The following PLD5 variants were observed in gnomAD, a reference collection of about 807,000 sequenced individuals.
PLD5 encodes phospholipase D family member 5.
A neutral mutation model predicts 61.1 loss-of-function variants in PLD5; 36 were observed. The ratio of observed to expected loss-of-function variants is 0.59; its 90% CI spans 0.45 to 0.78. The LOEUF is 0.78. Among genes scored for constraint, PLD5 ranks in the 30% least tolerant of loss-of-function variants. PLD5 has a pLI of 0.00. For missense variants in PLD5, 515 were observed against 644.4 expected (o/e 0.80, Z 2.17); for synonymous variants, 243 against 242.8 (o/e 1.00, Z -0.01).
chr1:242,369,869 A>G (rs1571994458), intron 1 of PLD5, among the ~76,000 whole-genome samples: 3 of 152,174 alleles, frequency 2.0e-5, no homozygotes, highest in East Asian at 1.9e-4. Context: ...AGTTCTTCCA[A>G]TTACTAAGCA....
intron 4 of PLD5, among the ~76,000 whole-genome samples, chr1:242,236,370 C>G (rs1671641845): frequency 6.6e-6 from 1 of 152,140 alleles, no homozygotes; most frequent in African/African-American, 2.4e-5. Flanking sequence ...AAACTATGAC[C>G]TATCCTGAAA....
At chr1:242,197,633 CTTTTTTT>C (rs111450387) in intron 5 of PLD5, among the ~76,000 whole-genome samples, 1 of 105,430 alleles carries the variant, frequency 9.5e-6, no homozygotes, top group African/African-American at 3.5e-5. Flanking sequence ...TAATTGCACA[CTTTTTTT>C]TTTTTTTTTT....
intron 1 of PLD5, among the ~76,000 whole-genome samples, chr1:242,446,830 G>A (rs139215002): frequency 0.02 from 2,996 of 152,276 alleles, 152 homozygotes; most frequent in Admixed American, 0.13. Context: ...CTTGTTGTCA[G>A]GCACCCATCT....
At chr1:242,457,936 A>G (rs917938015) in intron 1 of PLD5, among the ~76,000 whole-genome samples, 1 of 152,212 alleles carries the variant, frequency 6.6e-6, no homozygotes, top group African/African-American at 2.4e-5. Flanking sequence ...CTGGTTCTGT[A>G]GATGATCGTT....
chr1:242,407,562 T>G (rs199570232), intron 1 of PLD5, among the ~76,000 whole-genome samples: 4 of 47,962 alleles, frequency 8.3e-5, no homozygotes, highest in African/African-American at 2.9e-4. Context: ...GGTTGTTTTG[T>G]TTTTTTTTTT....
intron 6 of PLD5, among the ~76,000 whole-genome samples, chr1:242,117,954 T>G (rs1662076419): frequency 7.2e-6 from 1 of 138,512 alleles, no homozygotes. Flanking sequence ...CTCAGAAGCC[T>G]GACTCTGAAA....
At chr1:242,352,359 C>A (rs141711918) in intron 1 of PLD5, among the ~76,000 whole-genome samples, 1 of 152,316 alleles carries the variant, frequency 6.6e-6, no homozygotes, top group African/African-American at 2.4e-5. Context: ...CCAATTCTAT[C>A]CATGTTGGTA....
rs555622023 is a variant in PLD5, at chr1:242,406,395, A to T, written c.190-58153T>A. 9.2e-5 allele frequency among the ~76,000 whole-genome samples: 14 copies of T among 152,352 alleles called. 1 individual carries two copies. The highest frequency in any genetic ancestry group is 3.4e-4 in the African/African-American group (14 of 41,592). ...AAGGCATTTAGTGAGGCACTCAGAA[A>T]TGTCTACCAATATAACTATGCCCAA... On this transcript the variant is annotated intron_variant, in intron 1 of 9. Transcript: ENST00000536534.
At chr1:242,527,114 C>CTTTTTTTTTTT (rs530334746), upstream of PLD5, among the ~76,000 whole-genome samples, 270 of 71,966 alleles carry the variant, frequency 3.8e-3, 36 homozygotes, top group Middle Eastern at 0.018. Context: ...CTATCTCCTT[C>CTTTTTTTTTTT]TTTTTTTTTT....
intron 1 of PLD5, among the ~76,000 whole-genome samples, chr1:242,419,405 T>G (rs1345658745): frequency 6.8e-6 from 1 of 147,104 alleles, no homozygotes; most frequent in African/African-American, 2.6e-5. Flanking sequence ...TTTTTTTTTT[T>G]GGCGGGGGGA....
At chr1:242,223,736 T>C (rs1670750806) in intron 4 of PLD5, among the ~76,000 whole-genome samples, 1 of 152,196 alleles carries the variant, frequency 6.6e-6, no homozygotes, top group Non-Finnish European at 1.5e-5. Flanking sequence ...ATATGGTTCA[T>C]GGACTATCAC....
chr1:242,405,150 G>A (rs965957755), intron 1 of PLD5, among the ~76,000 whole-genome samples: 8 of 152,036 alleles, frequency 5.3e-5, no homozygotes, highest in Non-Finnish European at 7.4e-5. Context: ...CAAAGTGAAT[G>A]AGCCACCTCG....
chr1:242,341,397 G>A (rs1393127419), intron 2 of PLD5, among the ~76,000 whole-genome samples: 10 of 152,164 alleles, frequency 6.6e-5, no homozygotes, highest in South Asian at 2.1e-4. Flanking sequence ...ATGCTGAAGC[G>A]GCAGCTGAGT....
In PLD5 at chr1:242,113,992, C is replaced by T; in HGVS notation, c.968G>A (p.Ser323Asn). Residue 323 changes from serine to asparagine, a missense_variant, in exon 7 of 10, where the codon AGT (serine) becomes AAT (asparagine). Ser to Asn is a conservative substitution (Grantham distance 46). Transcript: ENST00000536534. ...SPKLFCPKNR[S>N]FDIDAIYSVI... ...ACTGTAGATGGCATCTATGTCAAAA[C>T]TTCTGTTTTTAGGGCAAAAGAGTTT... The T allele has an allele frequency of 6.2e-7, 1 of 1,613,852 alleles. No individual in the cohort carries two copies. The highest frequency in any genetic ancestry group is 1.1e-5 in the South Asian group (1 of 91,050).
intron 9 of PLD5, among the ~76,000 whole-genome samples, chr1:242,090,628 C>T (rs574188160): frequency 1.3e-4 from 20 of 152,294 alleles, no homozygotes; most frequent in South Asian, 8.3e-4. Flanking sequence ...ACCCAGGATC[C>T]GGCCCCTTGG....
intron 3 of PLD5, among the ~76,000 whole-genome samples, chr1:242,276,562 G>T (rs1185720742): frequency 6.6e-6 from 1 of 151,008 alleles, no homozygotes; most frequent in African/African-American, 2.4e-5. Flanking sequence ...AATTGGAGTG[G>T]TGGCCAGAAT....
rs57585858 is a variant in PLD5 at position 242,497,844 on chromosome 1, T to G, written c.189+26244A>C. ...GCCAAGCACTGCGGAAGGAAGGAAG[T>G]AAGTCAACAGGGTGGCTGCCCTCAT... On this transcript the variant is annotated intron_variant, in intron 1 of 9. Coordinates refer to ENST00000536534, the MANE Select transcript of PLD5 (RefSeq NM_001372062.1). Among the ~76,000 whole-genome samples, 458 of 152,324 alleles carry G rather than the reference T, an allele frequency of 3.0e-3. 1 individual carries two copies. The East Asian group carries it at 0.036, about 12-fold the overall frequency.
At chr1:242,451,022 C>G (rs900878313) in intron 1 of PLD5, among the ~76,000 whole-genome samples, 1 of 152,202 alleles carries the variant, frequency 6.6e-6, no homozygotes, top group Non-Finnish European at 1.5e-5. Context: ...GAGGTCCTTT[C>G]TCTAGAAACA....
chr1:242,357,593 C>T (rs2149232141), intron 1 of PLD5, among the ~76,000 whole-genome samples: 1 of 151,458 alleles, frequency 6.6e-6, no homozygotes, highest in African/African-American at 2.4e-5. Flanking sequence ...TCAAGCGATT[C>T]TTCTGCCTCA....
Sources: allele counts gnomAD v4.1 joint callset (sites outside exome capture counted in the v4.1 genomes callset), GRCh38; gene constraint gnomAD v4.1.1; transcripts MANE v1.5; gene names NCBI Gene and HGNC (gene_info 2026-07-23, HGNC 2026-07-21).